The following RP1 variants were observed in gnomAD, a reference collection of about 807,000 sequenced individuals.
The protein encoded by RP1 is RP1 axonemal microtubule associated.
In RP1, 16 loss-of-function variants were observed where a neutral mutation model predicts 14.8. The ratio of observed to expected loss-of-function variants is 1.08; its 90% CI spans 0.73 to 1.65. RP1 has a LOEUF of 1.65. RP1 is among the 40% of genes most tolerant of loss of function. The pLI, the probability that RP1 is intolerant of heterozygous loss-of-function variation, is 0.00. For synonymous variants in RP1, 876 were observed against 883.6 expected (o/e 0.99, Z 0.15); for missense variants, 2,631 against 2,535.0 (o/e 1.04, Z -0.81).
intron 3 of RP1, among the ~76,000 whole-genome samples, chr8:54,643,258 G>A (rs184962191): frequency 1.0e-3 from 152 of 152,230 alleles, no homozygotes; most frequent in African/African-American, 3.5e-3. Context: ...AATGTACAAT[G>A]TGATGAGTTT....
Position 54,651,581 on chromosome 8 carries a change from T to C in RP1, c.952-1199T>C, listed in dbSNP as rs116187499. Among the ~76,000 whole-genome samples, 814 of 152,294 alleles carry C rather than the reference T, an allele frequency of 5.3e-3. 4 individuals are homozygous for C. Among genetic ancestry groups the C allele is most frequent in the African/African-American group, 0.019 (778 of 41,584 alleles). On this transcript the variant is annotated intron_variant, in intron 4 of 22. Coordinates refer to the RP1 transcript ENST00000636932. ...TGCTCATAGCATTCTTTTATAATCC[T>C]TTTTATTTCTGTAAAGTCAATAGCA...
intron 24 of RP1, among the ~76,000 whole-genome samples, chr8:54,790,258 G>A (rs1285973627): frequency 6.6e-6 from 1 of 152,192 alleles, no homozygotes; most frequent in East Asian, 1.9e-4. Context: ...CCCAATTGGA[G>A]ACCTTAACAG....
intron 17 of RP1, among the ~76,000 whole-genome samples, chr8:54,733,146 T>A (rs113640652): frequency 1.3e-5 from 2 of 152,306 alleles, no homozygotes; most frequent in South Asian, 2.1e-4. Context: ...TCAAGCTTGT[T>A]TAAGTGCAGG....
intron 14 of RP1, among the ~76,000 whole-genome samples, chr8:54,701,866 A>C (rs1426643767): frequency 6.6e-6 from 1 of 152,100 alleles, no homozygotes; most frequent in African/African-American, 2.4e-5. Flanking sequence ...CTCTGAGGGG[A>C]TTAATATCCT....
chr8:54,618,668 T>C (rs1805782966), intron 1 of RP1, among the ~76,000 whole-genome samples: 1 of 152,180 alleles, frequency 6.6e-6, no homozygotes, highest in South Asian at 2.1e-4. Flanking sequence ...ATTTTATTTT[T>C]TTCTTGAAAT....
At chr8:54,705,243 A>C (rs948859486) in intron 14 of RP1, among the ~76,000 whole-genome samples, 1 of 152,152 alleles carries the variant, frequency 6.6e-6, no homozygotes, top group African/African-American at 2.4e-5. Flanking sequence ...TCAAAGTTAC[A>C]GTTTATTATA....
chr8:54,780,447 G>A (rs1258071100), intron 23 of RP1, among the ~76,000 whole-genome samples: 5 of 152,156 alleles, frequency 3.3e-5, no homozygotes, highest in African/African-American at 1.2e-4. Context: ...TGCATAATGT[G>A]GACGCAATAC....
Position 54,627,521 on chromosome 8 carries a change from C to T in RP1, c.3639C>T (p.Ser1213=), listed in dbSNP as rs1806100551. 2.5e-6 allele frequency: 4 copies of T among 1,614,012 alleles called. No individual in the cohort carries two copies. The highest frequency in any genetic ancestry group is 3.4e-6 in the Non-Finnish European group (4 of 1,179,986). Residue 1213 remains serine (S), a synonymous_variant, in exon 4 of 4, where the codon TCC becomes TCT. Coordinates refer to ENST00000220676, the MANE Select transcript of RP1 (RefSeq NM_006269.2). ...CAATAGATCTTTCTGCAAATTGTTC[C>T]ACGGTCAACATTCAGAGTGTTCCTA... ...MVPIDLSANC[S]TVNIQSVPKC... is the part of the protein sequence containing the mutation.
rs1169192446 is a variant in RP1 at position 54,665,880 on chromosome 8, A to G, written c.1323+2030A>G. Among the ~76,000 whole-genome samples the G allele has an allele frequency of 2.0e-5, 3 of 152,146 alleles. No individual in the cohort carries two copies. In the East Asian group the frequency reaches 5.8e-4, roughly 29 times the overall value. On this transcript the variant is annotated intron_variant, in intron 7 of 22. Coordinates refer to the RP1 transcript ENST00000636932. ...TTGGGAAACTTGACATTAGGTGTACACTCAAACCCCTTTCAAAGAAAAACT... is the reference window on the plus strand; with the variant it reads ...TTGGGAAACTTGACATTAGGTGTACGCTCAAACCCCTTTCAAAGAAAAACT...
chr8:54,722,742 G>A (rs1808566930), intron 16 of RP1, among the ~76,000 whole-genome samples: 1 of 152,076 alleles, frequency 6.6e-6, no homozygotes. Flanking sequence ...AAGTTGTGAG[G>A]CACCCTGACT....
chr8:54,577,070 T>G (rs1324865348), intron 1 of RP1, among the ~76,000 whole-genome samples: 4 of 152,140 alleles, frequency 2.6e-5, no homozygotes, highest in Non-Finnish European at 5.9e-5. Flanking sequence ...CAGGCTGGAG[T>G]GCAGTGGCAA....
intron 24 of RP1, among the ~76,000 whole-genome samples, chr8:54,814,582 A>C (rs1241365882): frequency 1.3e-5 from 2 of 152,166 alleles, no homozygotes; most frequent in Non-Finnish European, 2.9e-5. Flanking sequence ...CTCTGCAAGG[A>C]ACACTGGACA....
intron 23 of RP1, among the ~76,000 whole-genome samples, chr8:54,777,550 T>C (rs890988758): frequency 2.6e-5 from 4 of 152,190 alleles, no homozygotes; most frequent in Non-Finnish European, 4.4e-5. Context: ...CCAACTCCTG[T>C]GGTAGTCAGC....
Position 54,787,607 on chromosome 8 carries a change from A to G in RP1, c.3615+3897A>G, listed in dbSNP as rs74610525. On this transcript the variant is annotated intron_variant, in intron 24 of 28. Transcript: ENST00000637698. ...TTGCATTTTTGCAAATTGAAACGCT[A>G]AATAGTATTCTCCGTTGCTGGGAAA... Among the ~76,000 whole-genome samples the G allele has an allele frequency of 3.8e-3, 580 of 152,314 alleles. 5 individuals carry two copies. The highest frequency in any genetic ancestry group is 0.013 in the African/African-American group (550 of 41,578).
chr8:54,814,608 C>CA (rs1291141926), intron 24 of RP1, among the ~76,000 whole-genome samples: 6 of 152,176 alleles, frequency 3.9e-5, no homozygotes, highest in Admixed American at 1.3e-4. Context: ...TTTAGTCTCC[C>CA]AATTTGCCCT....
At chr8:54,853,509 T>C (rs960348069) in intron 26 of RP1, among the ~76,000 whole-genome samples, 9 of 152,184 alleles carry the variant, frequency 5.9e-5, no homozygotes, top group African/African-American at 2.2e-4. Context: ...AGAACTCATG[T>C]CTTATGGCCG....
chr8:54,826,228 A>G (rs1477071367), intron 24 of RP1, among the ~76,000 whole-genome samples: 1 of 152,202 alleles, frequency 6.6e-6, no homozygotes, highest in Admixed American at 6.5e-5. Flanking sequence ...AAGAGTGAGA[A>G]ACATTTTTGT....
At chr8:54,714,867 C>T (rs1478977121) in intron 15 of RP1, among the ~76,000 whole-genome samples, 1 of 152,198 alleles carries the variant, frequency 6.6e-6, no homozygotes, top group Non-Finnish European at 1.5e-5. Context: ...GAAGAATATA[C>T]AGTGGGCCTT....
chr8:54,621,422 C>G lies in RP1; in HGVS notation c.456C>G (p.Pro152=). The change falls in exon 2 of 4, where the codon CCC becomes CCG. Residue 152 remains proline (P), a synonymous_variant. Coordinates refer to ENST00000220676, the MANE Select transcript of RP1 (RefSeq NM_006269.2). Reference sequence around the variant, plus strand: ...TCGCTGCTCCCGGCATGCCCCGCCCCCCACGGAGCCTAGTGGTCTTCAGGA... The same window carrying G: ...TCGCTGCTCCCGGCATGCCCCGCCCGCCACGGAGCCTAGTGGTCTTCAGGA... ...VAVAAPGMPR[P]PRSLVVFRNG... The G allele has an allele frequency of 3.1e-6, 5 of 1,613,638 alleles. No individual in the cohort carries two copies. The highest frequency in any genetic ancestry group is 3.4e-6 in the Non-Finnish European group (4 of 1,180,002).
Sources: allele counts gnomAD v4.1 joint callset (sites outside exome capture counted in the v4.1 genomes callset), GRCh38; gene constraint gnomAD v4.1.1; transcripts MANE v1.5; gene names NCBI Gene and HGNC (gene_info 2026-07-23, HGNC 2026-07-21).